ZFHX3: variants seen among roughly 807,000 people sequenced by gnomAD.
The protein encoded by ZFHX3 is zinc finger homeobox 3.
In ZFHX3, 42 loss-of-function variants were observed where a neutral mutation model predicts 279.1. That is an observed-to-expected ratio of 0.15 (90% CI 0.12 to 0.19). The LOEUF (loss-of-function observed/expected upper bound fraction) is 0.19, where lower values mean the gene tolerates loss of function less well. Among genes scored for constraint, ZFHX3 ranks in the 10% least tolerant of loss-of-function variants. The pLI, the probability that ZFHX3 is intolerant of heterozygous loss-of-function variation, is 1.00. For synonymous variants in ZFHX3, 2,293 were observed against 1,957.8 expected, an observed-to-expected ratio of 1.17 and a Z score of -4.52; for missense variants, 4,981 against 4,754.0, an observed-to-expected ratio of 1.05 and a Z score of -1.40.
At chr16:73,005,789 CA>C (rs61519203) in intron 1 of ZFHX3, 145 of 137,608 alleles carry the variant, frequency 1.1e-3, no homozygotes, top group Middle Eastern at 3.7e-3. Flanking sequence ...GACTCCGTCT[CA>C]AAAAAAAAAA....
intron 5 of ZFHX3, among the ~76,000 whole-genome samples, chr16:73,250,413 T>A (rs2013445857): frequency 6.6e-6 from 1 of 152,242 alleles, no homozygotes; most frequent in African/African-American, 2.4e-5. Flanking sequence ...GTGGTAACAT[T>A]TATATAACAT....
rs771003083 is a variant in ZFHX3 at position 72,955,970 on chromosome 16, G to A, written c.2719+1457C>T. ...TCACTCCCATCTCCTGGTGTGCATG[G>A]TTCACCCTGGTGACAAATAAGACGA... On this transcript the variant is annotated intron_variant, in intron 2 of 9. Coordinates refer to ENST00000268489, the MANE Select transcript of ZFHX3 (RefSeq NM_006885.4). Among the ~76,000 whole-genome samples, 26 of 152,078 alleles carry A rather than the reference G, an allele frequency of 1.7e-4. 1 individual carries two copies. Among genetic ancestry groups the A allele is most frequent in the Admixed American group, 1.7e-3 (26 of 15,270 alleles).
At chr16:73,674,638 G>C (rs143599157) in intron 2 of ZFHX3, among the ~76,000 whole-genome samples, 145 of 152,274 alleles carry the variant, frequency 9.5e-4, no homozygotes, top group African/African-American at 2.7e-3. Context: ...AAGACCTAGA[G>C]TCTCTTTCTC....
At chr16:72,862,277 G>A (rs1242639835) in intron 4 of ZFHX3, among the ~76,000 whole-genome samples, 2 of 152,178 alleles carry the variant, frequency 1.3e-5, no homozygotes, top group Non-Finnish European at 2.9e-5. Context: ...GACACCAATT[G>A]CACTGGCCTA....
chr16:72,982,842 C>T (rs1962669852), intron 1 of ZFHX3, among the ~76,000 whole-genome samples: 1 of 152,178 alleles, frequency 6.6e-6, no homozygotes. Context: ...GCAGACTGAC[C>T]ACTCGGCTCA....
chr16:73,221,340 AT>A (rs1350301401), intron 5 of ZFHX3, among the ~76,000 whole-genome samples: 20 of 152,178 alleles, frequency 1.3e-4, no homozygotes, highest in African/African-American at 4.8e-4. Flanking sequence ...TATTTTATAC[AT>A]CTTCAAATAT....
intron 5 of ZFHX3, among the ~76,000 whole-genome samples, chr16:73,235,270 T>C (rs926839300): frequency 2.0e-5 from 3 of 152,094 alleles, no homozygotes; most frequent in African/African-American, 7.2e-5. Flanking sequence ...AGGGTTTCCC[T>C]GTGTTCACCA....
At chr16:73,790,635 A>G (rs2142314143) in intron 1 of ZFHX3, among the ~76,000 whole-genome samples, 1 of 152,344 alleles carries the variant, frequency 6.6e-6, no homozygotes, top group East Asian at 1.9e-4. Context: ...GCCCTTGAGT[A>G]CACTTGAGTT....
At chr16:73,781,838 T>A (rs957516515) in intron 1 of ZFHX3, among the ~76,000 whole-genome samples, 1 of 152,120 alleles carries the variant, frequency 6.6e-6, no homozygotes, top group East Asian at 1.9e-4. Flanking sequence ...AATACAAAAA[T>A]TAGCTGAGTG....
chr16:73,509,322 A>G (rs1029007921), intron 2 of ZFHX3, among the ~76,000 whole-genome samples: 13 of 151,800 alleles, frequency 8.6e-5, no homozygotes, highest in South Asian at 4.2e-4. Context: ...TCTCTTCTTC[A>G]CTATGTTTCC....
intron 2 of ZFHX3, among the ~76,000 whole-genome samples, chr16:73,475,242 C>A (rs1287225439): frequency 6.6e-6 from 1 of 152,202 alleles, no homozygotes; most frequent in Non-Finnish European, 1.5e-5. Flanking sequence ...AATACACTGA[C>A]TTTACGATAT....
chr16:73,158,511 T>C (rs1374124965), intron 5 of ZFHX3, among the ~76,000 whole-genome samples: 2 of 152,184 alleles, frequency 1.3e-5, no homozygotes, highest in African/African-American at 4.8e-5. Context: ...TATATACACT[T>C]GTAAACGTTT....
At chr16:73,002,028 C>T (rs1963514786) in intron 1 of ZFHX3, among the ~76,000 whole-genome samples, 1 of 152,092 alleles carries the variant, frequency 6.6e-6, no homozygotes, top group South Asian at 2.1e-4. Flanking sequence ...AGACACCTAA[C>T]AGTCATGCCC....
exon 7 of ZFHX3, chr16:73,131,065 G>A (rs752925623): frequency 1.0e-5 from 11 of 1,101,846 alleles, no homozygotes; most frequent in African/African-American, 1.6e-5. Context: ...GCTGGCTCTT[G>A]TTAACTTCTT....
intron 5 of ZFHX3, among the ~76,000 whole-genome samples, chr16:73,199,027 A>T (rs1414518783): frequency 6.6e-6 from 1 of 152,260 alleles, no homozygotes; most frequent in Non-Finnish European, 1.5e-5. Context: ...GTCCCGTTCA[A>T]AACAAAGCTC....
intron 1 of ZFHX3, among the ~76,000 whole-genome samples, chr16:73,870,472 G>T (rs192962329): frequency 8.5e-5 from 13 of 152,338 alleles, no homozygotes; most frequent in Admixed American, 4.6e-4. Context: ...AGCCAAAGCG[G>T]CTTCACACTA....
chr16:73,508,083 C>G (rs1424715574), intron 2 of ZFHX3, among the ~76,000 whole-genome samples: 1 of 152,122 alleles, frequency 6.6e-6, no homozygotes, highest in Non-Finnish European at 1.5e-5. Context: ...CAAACCAAAT[C>G]CATTGCAATC....
At chr16:73,598,294 C>A (rs969762660) in intron 2 of ZFHX3, among the ~76,000 whole-genome samples, 2 of 152,144 alleles carry the variant, frequency 1.3e-5, no homozygotes, top group African/African-American at 4.8e-5. Flanking sequence ...AGGACAAATT[C>A]TTCTGGTTTA....
chr16:72,849,170 C>T (rs575039862), intron 4 of ZFHX3, among the ~76,000 whole-genome samples: 4 of 152,324 alleles, frequency 2.6e-5, no homozygotes, highest in African/African-American at 7.2e-5. Context: ...GAGCCACTGA[C>T]GGAGAGTGTC....
Sources: allele counts gnomAD v4.1 joint callset (sites outside exome capture counted in the v4.1 genomes callset), GRCh38; gene constraint gnomAD v4.1.1; transcripts MANE v1.5; gene names NCBI Gene and HGNC (gene_info 2026-07-23, HGNC 2026-07-21).